SOX5: variants seen among roughly 807,000 people sequenced by gnomAD.
SOX5 encodes the protein transcription factor SOX-5.
In SOX5, 9 loss-of-function variants were observed where a neutral mutation model predicts 92.0. The ratio of observed to expected loss-of-function variants is 0.10; its 90% CI spans 0.06 to 0.17. The LOEUF (loss-of-function observed/expected upper bound fraction) is 0.17, where lower values mean the gene tolerates loss of function less well. Among genes scored for constraint, SOX5 ranks in the 10% least tolerant of loss-of-function variants. The probability of loss-of-function intolerance (pLI) is 1.00; values close to 1 mark genes in which losing one functional copy is unlikely to be tolerated. For missense variants in SOX5, 642 were observed against 944.5 expected, an observed-to-expected ratio of 0.68 and a Z score of 4.20; for synonymous variants, 344 against 336.3, an observed-to-expected ratio of 1.02 and a Z score of -0.25.
At position 23,966,267 on chromosome 12, in the gene SOX5, G is replaced by A. The variant is rs905168133; in HGVS notation, c.-1-70243C>T. Among the ~76,000 whole-genome samples the A allele has an allele frequency of 2.3e-5, 3 of 132,444 alleles. No homozygotes were observed. In the East Asian group the frequency reaches 6.6e-4, roughly 29 times the overall value. 86.9% of individuals were successfully genotyped at this position (132,444 alleles called of 152,430 possible). On this transcript the variant is annotated intron_variant, in intron 4 of 4. Transcript: ENST00000446891. ...GCTGTTTGGGTAAAGGGCCTGTACT[G>A]ACTTTTTCTCCTACCAGAATGAGGG...
At chr12:24,113,619 A>G (rs1947633058) in intron 4 of SOX5, among the ~76,000 whole-genome samples, 1 of 152,176 alleles carries the variant, frequency 6.6e-6, no homozygotes, top group Non-Finnish European at 1.5e-5. Context: ...AATAATAAAG[A>G]TAAAAAGTTT....
intron 2 of SOX5, among the ~76,000 whole-genome samples, chr12:23,854,509 T>C (rs1439635633): frequency 6.6e-6 from 1 of 151,760 alleles, no homozygotes; most frequent in African/African-American, 2.4e-5. Context: ...TGTTTCCTCA[T>C]CTAGAAAATG....
At chr12:23,749,585 T>A (rs921294235) in intron 4 of SOX5, among the ~76,000 whole-genome samples, 1 of 151,904 alleles carries the variant, frequency 6.6e-6, no homozygotes, top group Non-Finnish European at 1.5e-5. Flanking sequence ...TGGGACATTA[T>A]GAAAGAGATG....
At chr12:24,515,085 G>A (rs1399130162) in intron 1 of SOX5, among the ~76,000 whole-genome samples, 2 of 152,186 alleles carry the variant, frequency 1.3e-5, no homozygotes, top group African/African-American at 4.8e-5. Context: ...AAGATATGAA[G>A]ATAATGCATA....
At chr12:23,750,651 T>C (rs915061281) in intron 4 of SOX5, among the ~76,000 whole-genome samples, 1 of 151,914 alleles carries the variant, frequency 6.6e-6, no homozygotes, top group Non-Finnish European at 1.5e-5. Context: ...TTTAAATGAA[T>C]GAATGCATTT....
At chr12:24,191,553 C>G (rs1395621162) in intron 4 of SOX5, among the ~76,000 whole-genome samples, 1 of 152,212 alleles carries the variant, frequency 6.6e-6, no homozygotes, top group Non-Finnish European at 1.5e-5. Flanking sequence ...CAGCACCTGT[C>G]TGACCAGATA....
intron 1 of SOX5, among the ~76,000 whole-genome samples, chr12:24,410,640 C>T (rs868854503): frequency 6.6e-6 from 1 of 152,164 alleles, no homozygotes; most frequent in Non-Finnish European, 1.5e-5. Flanking sequence ...CAATTTCTGG[C>T]TTCTCTGTTT....
intron 4 of SOX5, among the ~76,000 whole-genome samples, chr12:24,077,876 T>C (rs1184639919): frequency 1.4e-5 from 2 of 148,006 alleles, no homozygotes; most frequent in Non-Finnish European, 3.0e-5. Flanking sequence ...AACACACCCA[T>C]AGCAATTCTG....
chr12:24,089,514 G>GAACATATA (rs1412737206), intron 4 of SOX5, among the ~76,000 whole-genome samples: 3 of 152,146 alleles, frequency 2.0e-5, no homozygotes, highest in Admixed American at 2.0e-4. Flanking sequence ...TATACATTCA[G>GAACATATA]GAACAGAACA....
chr12:23,927,245 G>C (rs2139060843), intron 1 of SOX5, among the ~76,000 whole-genome samples: 1 of 152,094 alleles, frequency 6.6e-6, no homozygotes, highest in South Asian at 2.1e-4. Context: ...GAGGCTCTTG[G>C]CTCTCTGGTA....
At chr12:24,004,949 C>T (rs897540367) in intron 4 of SOX5, among the ~76,000 whole-genome samples, 4 of 151,962 alleles carry the variant, frequency 2.6e-5, no homozygotes, top group East Asian at 1.9e-4. Flanking sequence ...AAAAAATAGC[C>T]GATGCATGCT....
chr12:23,890,305 A>G lies in SOX5; in HGVS notation c.270+5488T>C, dbSNP rs2097115628. Among the ~76,000 whole-genome samples, 3 of 152,052 alleles carry G rather than the reference A, an allele frequency of 2.0e-5. No homozygotes were observed. In the South Asian group the frequency reaches 6.2e-4, roughly 32 times the overall value. ...ATTGCACTCCAGCCTAGGCAACAAG[A>G]ACGGAACTCCATTTCAAAAAAAAAA... On this transcript the variant is annotated intron_variant, in intron 2 of 14. Coordinates refer to ENST00000451604, the MANE Select transcript of SOX5 (RefSeq NM_006940.6).
At chr12:24,312,800 G>A (rs956954534) in intron 2 of SOX5, among the ~76,000 whole-genome samples, 6 of 152,034 alleles carry the variant, frequency 3.9e-5, no homozygotes, top group South Asian at 2.1e-4. Flanking sequence ...AAGCAACTCC[G>A]TGACTTACAG....
intron 8 of SOX5, among the ~76,000 whole-genome samples, chr12:23,616,621 T>G (rs557175524): frequency 6.6e-6 from 1 of 152,204 alleles, no homozygotes; most frequent in Non-Finnish European, 1.5e-5. Flanking sequence ...GAAAAAAATG[T>G]ATTACAGTGA....
At chr12:24,354,739 T>C (rs990004086) in intron 2 of SOX5, among the ~76,000 whole-genome samples, 2 of 152,164 alleles carry the variant, frequency 1.3e-5, no homozygotes, top group African/African-American at 4.8e-5. Flanking sequence ...GGATGTCTGG[T>C]CGTATCATTT....
At chr12:24,222,489 G>C (rs1960714436) in intron 3 of SOX5, among the ~76,000 whole-genome samples, 1 of 152,108 alleles carries the variant, frequency 6.6e-6, no homozygotes, top group Admixed American at 6.5e-5. Context: ...TAGAAGGATG[G>C]AATTACTATT....
chr12:23,679,145 G>T (rs2086171841), intron 6 of SOX5, among the ~76,000 whole-genome samples: 1 of 152,114 alleles, frequency 6.6e-6, no homozygotes, highest in Non-Finnish European at 1.5e-5. Context: ...CAAGAAAGTT[G>T]GAGGTAGGAG....
chr12:23,811,966 T>A (rs1255598192), intron 3 of SOX5, among the ~76,000 whole-genome samples: 1 of 152,094 alleles, frequency 6.6e-6, no homozygotes, highest in Non-Finnish European at 1.5e-5. Flanking sequence ...TTAAAGTACC[T>A]TAGTTTTGCT....
At chr12:24,037,237 T>C (rs1042886382) in intron 4 of SOX5, among the ~76,000 whole-genome samples, 6 of 152,118 alleles carry the variant, frequency 3.9e-5, no homozygotes, top group Non-Finnish European at 8.8e-5. Context: ...GAATAACATA[T>C]ACACACATAC....
Sources: allele counts gnomAD v4.1 joint callset (sites outside exome capture counted in the v4.1 genomes callset), GRCh38; gene constraint gnomAD v4.1.1; transcripts MANE v1.5; gene names NCBI Gene and HGNC (gene_info 2026-07-23, HGNC 2026-07-21).